The following NFRKB variants were observed in gnomAD, a reference collection of about 807,000 sequenced individuals.
NFRKB encodes nuclear factor related to kappaB binding protein.
A neutral mutation model predicts 135.7 loss-of-function variants in NFRKB; 62 were observed. The observed-to-expected ratio is 0.46, with a 90% CI of 0.37 to 0.56. NFRKB has a LOEUF of 0.56. Ranked by LOEUF, NFRKB falls within the 20% of genes least tolerant of loss-of-function variation. The pLI, the probability that NFRKB is intolerant of heterozygous loss-of-function variation, is 0.00. For synonymous variants in NFRKB, 678 were observed against 635.6 expected, an observed-to-expected ratio of 1.07 and a Z score of -1.00; for missense variants, 1,545 against 1,662.0, an observed-to-expected ratio of 0.93 and a Z score of 1.22.
Position 129,884,148 on chromosome 11 carries a change from G to A in NFRKB, c.743-5C>T, listed in dbSNP as rs1191632638. The A allele has an allele frequency of 1.9e-6, 3 of 1,613,860 alleles. No individual in the cohort carries two copies. Among genetic ancestry groups the A allele is most frequent in the Non-Finnish European group, 2.5e-6 (3 of 1,179,782 alleles). On this transcript the variant is annotated splice_region_variant and splice_polypyrimidine_tract_variant and intron_variant, in intron 7 of 26. Coordinates refer to ENST00000682444, the MANE Select transcript of NFRKB (RefSeq NM_001143835.2). ...TGTCCCCCAGTTCTACTTTATCTGA[G>A]AAAACAAACCAAACCATATTCACTA...
chr11:129,871,434 G>A (rs757214710), intron 23 of NFRKB, among the ~76,000 whole-genome samples: 35 of 152,106 alleles, frequency 2.3e-4, no homozygotes, highest in South Asian at 1.7e-3. Context: ...CTCATCTCAC[G>A]CTGCCACTAC....
rs1424037254 is a variant in NFRKB, at chr11:129,874,714, GA to G, written c.1978+78del. ...CATCTTGTCCTACCTATATGCCAAT[GA>G]AAAGAATAATGGAATTGGGGTAGAA... On this transcript the variant is annotated intron_variant, in intron 19 of 26. Coordinates refer to ENST00000682444, the MANE Select transcript of NFRKB (RefSeq NM_001143835.2). This position sits in a 1 kb window ranked among gnomAD's most constrained non-coding sequence, Gnocchi z 4.5. The G allele has an allele frequency of 1.2e-6, 2 of 1,610,178 alleles. No homozygotes were observed. The highest frequency in any genetic ancestry group is 8.5e-7 in the Non-Finnish European group (1 of 1,176,900).
intron 4 of NFRKB, 92 bp downstream of exon 4, chr11:129,888,501 TA>T: frequency 1.6e-6 from 2 of 1,256,830 alleles, no homozygotes; most frequent in Non-Finnish European, 2.3e-6. Flanking sequence ...TACATGAAGA[TA>T]AAAAGAAGAA....
chr11:129,874,346 A>T lies in NFRKB; in HGVS notation c.2059-13T>A, dbSNP rs752760858. The T allele has an allele frequency of 4.0e-6, 6 of 1,518,894 alleles. No individual in the cohort carries two copies. In the African/African-American group the frequency reaches 7.0e-5, roughly 18 times the overall value. The allele number at this position is 1,518,894 out of a possible 1,614,324, so 94.1% of individuals were successfully genotyped here. A position where few individuals can be genotyped will look rare whatever the true frequency, so the allele number is the denominator to read the frequency against. On this transcript the variant is annotated splice_polypyrimidine_tract_variant and intron_variant, in intron 20 of 26. Transcript: ENST00000682444. This position sits in a 1 kb window ranked among gnomAD's most constrained non-coding sequence, Gnocchi z 4.5. ...TGCTACTGGACTTCTAGAACGGAAG[A>T]CAAAGAAAACTCACCTGGTGTCGTG...
At position 129,869,608 on chromosome 11, in the gene NFRKB, G is replaced by C; in HGVS notation, c.3417C>G (p.Ser1139=). ...VSLPSMNAAV[S]KTVAVASGAA... ...CCCCAGAAGCCACAGCTACAGTCTT[G>C]GACACAGCAGCATTCATACTGGGTA... The change falls in exon 24 of 27, where the codon TCC becomes TCG. Residue 1139 remains serine, a synonymous_variant. Coordinates refer to ENST00000682444, the MANE Select transcript of NFRKB (RefSeq NM_001143835.2). 1 of 1,614,162 alleles carries C rather than the reference G, an allele frequency of 6.2e-7. No homozygotes were observed. Among genetic ancestry groups the C allele is most frequent in the Non-Finnish European group, 8.5e-7 (1 of 1,180,050 alleles).
At chr11:129,883,012 G>A (rs1949102450) in intron 9 of NFRKB, 110 bp downstream of exon 9, 1 of 940,264 alleles carries the variant, frequency 1.1e-6, no homozygotes, top group Non-Finnish European at 1.7e-6. Context: ...AATAATAAAG[G>A]TTACCAGCAT....
Position 129,864,649 on chromosome 11 carries a change from G to A in NFRKB, c.*76C>T. 1 of 1,595,610 alleles carries A rather than the reference G, an allele frequency of 6.3e-7. No homozygotes were observed. Among genetic ancestry groups the A allele is most frequent in the South Asian group, 1.1e-5 (1 of 89,486 alleles). The stretch of plus-strand genomic sequence containing the variant: ...CTTGAACAGGCAAGCTTAAAACAAT[G>A]ATGCAACCTCCCTGGTCCCTTCTCA... On this transcript the variant is annotated 3_prime_UTR_variant, in exon 27 of 27. Transcript: ENST00000682444.
In NFRKB at chr11:129,874,993, T is replaced by C. The variant is rs1392234128; in HGVS notation, c.1855-77A>G. On this transcript the variant is annotated intron_variant, in intron 18 of 26. Coordinates refer to ENST00000682444, the MANE Select transcript of NFRKB (RefSeq NM_001143835.2). This position sits in a 1 kb window ranked among gnomAD's most constrained non-coding sequence, Gnocchi z 4.5. The stretch of plus-strand genomic sequence containing the variant: ...AGTTATTTGAACTCTAGGAAAAAAA[T>C]GTCATTGTATCTAAATCACAGCTGA... 3.2e-6 allele frequency: 5 copies of C among 1,566,810 alleles called. No individual in the cohort carries two copies. Among genetic ancestry groups the C allele is most frequent in the Non-Finnish European group, 2.6e-6 (3 of 1,142,862 alleles).
At position 129,892,817 on chromosome 11, in the gene NFRKB, AG is replaced by A; in HGVS notation, c.32del (p.Pro11LeufsTer52). The A allele has an allele frequency of 6.2e-7, 1 of 1,614,188 alleles. No homozygotes were observed. Reference protein sequence around the residue: MDSLDHMLTDPLELGPCGDGH... With the variant: MDSLDHMLTDXLELGPCGDGH... ...CATCTCCACACGGACCAAGTTCCAG[AG>A]GATCTGTCAGCATATGGTCTAAGGA... On this transcript the variant is annotated frameshift_variant, in exon 3 of 27. Transcript: ENST00000682444. LOFTEE classifies it high-confidence loss of function.
chr11:129,876,375 A>G (rs1948767045), intron 17 of NFRKB, among the ~76,000 whole-genome samples: 1 of 152,204 alleles, frequency 6.6e-6, no homozygotes, highest in Non-Finnish European at 1.5e-5. Context: ...AGGGGTCCAC[A>G]AGTTCCACCA....
At chr11:129,885,389 T>C (rs747019914) in intron 6 of NFRKB, 46 bp downstream of exon 6, 4 of 1,559,780 alleles carry the variant, frequency 2.6e-6, no homozygotes, top group Admixed American at 3.6e-5. Flanking sequence ...AAGTGGCCGG[T>C]ATCCATCCAA....
chr11:129,867,717 A>G (rs1948271453), intron 24 of NFRKB, among the ~76,000 whole-genome samples: 1 of 152,292 alleles, frequency 6.6e-6, no homozygotes, highest in Admixed American at 6.5e-5. Flanking sequence ...TTTTATCCCA[A>G]TTTATGAAGG....
At chr11:129,875,217 GT>G (rs1948703612) in intron 18 of NFRKB, 139 bp downstream of exon 18, 1 of 804,786 alleles carries the variant, frequency 1.2e-6, no homozygotes, top group African/African-American at 1.7e-5. Flanking sequence ...AACAGCAAGC[GT>G]TTTGATCACT....
intron 13 of NFRKB, among the ~76,000 whole-genome samples, chr11:129,878,911 A>G (rs547227986): frequency 2.9e-4 from 44 of 152,270 alleles, no homozygotes; most frequent in Non-Finnish European, 5.9e-4. Context: ...AAAGGATGTC[A>G]TCATAGCTTA....
intron 6 of NFRKB, 32 bp from the exon 7 acceptor site, chr11:129,884,878 C>T (rs746779265): frequency 1.2e-6 from 2 of 1,613,950 alleles, no homozygotes; most frequent in Admixed American, 1.7e-5. Flanking sequence ...GTAAATCCAA[C>T]GTGGCTGTGG....
chr11:129,870,303 T>TA, intron 23 of NFRKB, 42 bp from the exon 24 acceptor site: 1 of 1,568,128 alleles, frequency 6.4e-7, no homozygotes, highest in Non-Finnish European at 8.7e-7. Flanking sequence ...TTCACAATAG[T>TA]AAACCGGTTA....
At chr11:129,884,284 G>T in intron 7 of NFRKB, 141 bp from the exon 8 acceptor site, 3 of 812,770 alleles carry the variant, frequency 3.7e-6, no homozygotes, top group Non-Finnish European at 4.1e-6. Context: ...AAAGTCACAG[G>T]ATCGACACTT....
At chr11:129,888,276 T>A in intron 4 of NFRKB, 1 of 590,472 alleles carries the variant, frequency 1.7e-6, no homozygotes, top group Non-Finnish European at 3.0e-6. Flanking sequence ...GGCAAGCTCT[T>A]TTTAAAATTT....
At chr11:129,885,193 T>C (rs1048225134) in intron 6 of NFRKB, among the ~76,000 whole-genome samples, 2 of 152,160 alleles carry the variant, frequency 1.3e-5, no homozygotes, top group African/African-American at 4.8e-5. Context: ...CGGGCTCTCA[T>C]CTAAGCTCAA....
Sources: allele counts gnomAD v4.1 joint callset (sites outside exome capture counted in the v4.1 genomes callset), GRCh38; gene constraint gnomAD v4.1.1; non-coding constraint Gnocchi (gnomAD v3.1); transcripts MANE v1.5; gene names NCBI Gene and HGNC (gene_info 2026-07-23, HGNC 2026-07-21).